Variants in AMPH observed in about 807,000 individuals in gnomAD.
The protein encoded by AMPH is amphiphysin, also known as amphiphysin (Stiff-Mann syndrome with breast cancer 128kD autoantigen).
A neutral mutation model predicts 99.1 loss-of-function variants in AMPH; 49 were observed. That is an observed-to-expected ratio of 0.49 (90% CI 0.39 to 0.63). The LOEUF (loss-of-function observed/expected upper bound fraction) is 0.63, where lower values mean the gene tolerates loss of function less well. Among genes scored for constraint, AMPH ranks in the 20% least tolerant of loss-of-function variants. The pLI is 0.00. For synonymous variants in AMPH, 314 were observed against 317.3 expected, an observed-to-expected ratio of 0.99 and a Z score of 0.11; for missense variants, 759 against 863.4, an observed-to-expected ratio of 0.88 and a Z score of 1.52.
chr7:38,594,654 C>T (rs893715504), intron 1 of AMPH, among the ~76,000 whole-genome samples: 4 of 151,986 alleles, frequency 2.6e-5, no homozygotes, highest in African/African-American at 7.3e-5. Context: ...GCCAGTATTA[C>T]CACATTTTCA....
intron 15 of AMPH, 98 bp from the exon 16 acceptor site, chr7:38,422,575 TATCTATCTATCTATCTATCTATCTATCC>T: frequency 1.3e-6 from 1 of 750,256 alleles, no homozygotes; most frequent in Non-Finnish European, 2.2e-6. Context: ...TCTATCTATC[TATCTATCTATCTATCTATCTATCTATCC>T]ATCTATCTAT....
intron 5 of AMPH, among the ~76,000 whole-genome samples, chr7:38,484,373 G>A (rs1225000290): frequency 6.6e-6 from 1 of 152,102 alleles, no homozygotes; most frequent in Non-Finnish European, 1.5e-5. Flanking sequence ...AAAGTGACTT[G>A]CTCACATACA....
intron 17 of AMPH, among the ~76,000 whole-genome samples, chr7:38,417,616 T>G (rs1171479657): frequency 6.6e-6 from 1 of 152,228 alleles, no homozygotes. Context: ...TACAGTTTTC[T>G]TTAGATCATA....
At chr7:38,437,639 A>AAAAAAAAAAAAAAAAAAAAAAGAAAAG (rs765494380) in intron 11 of AMPH, among the ~76,000 whole-genome samples, 9 of 96,726 alleles carry the variant, frequency 9.3e-5, no homozygotes, top group Admixed American at 2.7e-4. Context: ...AAAAAAAAAA[A>AAAAAAAAAAAAAAAAAAAAAAGAAAAG]AAAAGAAAAG....
chr7:38,587,476 C>G (rs1405240452), intron 1 of AMPH, among the ~76,000 whole-genome samples: 2 of 152,112 alleles, frequency 1.3e-5, no homozygotes, highest in Admixed American at 1.3e-4. Context: ...ACATTTTGTA[C>G]TGAAATCACC....
At position 38,463,097 on chromosome 7, in the gene AMPH, G is replaced by A. The variant is rs777511764; in HGVS notation, c.766C>T (p.Arg256Cys). Residue 256 changes from arginine (R) to cysteine (C), a missense_variant, in exon 10 of 21, where the codon CGC becomes TGC. Physicochemically the swap from Arg to Cys is radical, Grantham distance 180. Transcript: ENST00000356264. ...GGCGGTGATGGTGTCTTTGCAATGC[G>A]GAGAGGACCCGAATCACTAGAGGAA... ...QGAPSDSGPLRIAKTPSPPEE... is the reference protein window; with the variant it reads ...QGAPSDSGPLCIAKTPSPPEE... 13 of 1,613,352 alleles carry A rather than the reference G, an allele frequency of 8.1e-6. No individual in the cohort carries two copies. Among genetic ancestry groups the A allele is most frequent in the Middle Eastern group, 1.7e-4 (1 of 6,012 alleles).
chr7:38,408,875 T>A (rs1785136446), intron 17 of AMPH, among the ~76,000 whole-genome samples: 1 of 152,234 alleles, frequency 6.6e-6, no homozygotes, highest in Non-Finnish European at 1.5e-5. Flanking sequence ...CGTTAAGTTA[T>A]GTACAGGCTG....
chr7:38,510,207 C>T (rs1052988067), intron 2 of AMPH, among the ~76,000 whole-genome samples: 1 of 152,148 alleles, frequency 6.6e-6, no homozygotes, highest in African/African-American at 2.4e-5. Flanking sequence ...CAGATGACCA[C>T]CTTCTTGCTG....
chr7:38,563,405 T>C (rs1249689741), intron 1 of AMPH, among the ~76,000 whole-genome samples: 4 of 152,210 alleles, frequency 2.6e-5, no homozygotes, highest in Non-Finnish European at 5.9e-5. Flanking sequence ...TCTATGGTAT[T>C]TGGTGAGTAT....
At chr7:38,462,637 G>A (rs1260820919) in intron 10 of AMPH, among the ~76,000 whole-genome samples, 1 of 152,164 alleles carries the variant, frequency 6.6e-6, no homozygotes, top group East Asian at 1.9e-4. Flanking sequence ...CACTAGGAGA[G>A]GGAAGGTTTC....
intron 12 of AMPH, among the ~76,000 whole-genome samples, chr7:38,432,475 C>T (rs1786070306): frequency 6.6e-6 from 1 of 152,020 alleles, no homozygotes; most frequent in South Asian, 2.1e-4. Flanking sequence ...TTGTATTATA[C>T]TTAATATAAG....
At chr7:38,569,096 T>C (rs1035533042) in intron 1 of AMPH, among the ~76,000 whole-genome samples, 1 of 152,230 alleles carries the variant, frequency 6.6e-6, no homozygotes, top group African/African-American at 2.4e-5. Context: ...GTTTTAACAT[T>C]ACACTTTTAA....
chr7:38,618,178 G>T (rs1424408590), intron 1 of AMPH, among the ~76,000 whole-genome samples: 1 of 152,112 alleles, frequency 6.6e-6, no homozygotes, highest in Non-Finnish European at 1.5e-5. Flanking sequence ...CAGTATAAAT[G>T]CATTATTGCT....
intron 1 of AMPH, among the ~76,000 whole-genome samples, chr7:38,615,441 G>T (rs563681256): frequency 6.6e-6 from 1 of 152,136 alleles, no homozygotes; most frequent in African/African-American, 2.4e-5. Flanking sequence ...AGCTCATAGA[G>T]CCCTCTTTCC....
intron 1 of AMPH, among the ~76,000 whole-genome samples, chr7:38,616,126 A>G (rs1793862593): frequency 6.6e-6 from 1 of 152,166 alleles, no homozygotes; most frequent in Non-Finnish European, 1.5e-5. Context: ...CTACACAGAC[A>G]CCATGTGTAC....
chr7:38,442,557 T>A (rs752609037), intron 11 of AMPH, among the ~76,000 whole-genome samples: 2 of 152,114 alleles, frequency 1.3e-5, no homozygotes, highest in African/African-American at 2.4e-5. Context: ...ATTTTAATCA[T>A]CCAAAATGAT....
At chr7:38,591,040 G>A (rs1792836806) in intron 1 of AMPH, among the ~76,000 whole-genome samples, 1 of 152,108 alleles carries the variant, frequency 6.6e-6, no homozygotes, top group African/African-American at 2.4e-5. Flanking sequence ...TTATAAACAG[G>A]AGGGATATTT....
chr7:38,414,163 G>A (rs116392591), intron 17 of AMPH, among the ~76,000 whole-genome samples: 268 of 152,322 alleles, frequency 1.8e-3, no homozygotes, highest in African/African-American at 6.0e-3. Context: ...GCAAGATGAA[G>A]TTGATAGACT....
At chr7:38,460,383 T>C (rs1368306578) in intron 11 of AMPH, among the ~76,000 whole-genome samples, 2 of 152,200 alleles carry the variant, frequency 1.3e-5, no homozygotes, top group Admixed American at 6.5e-5. Context: ...AAGGAATACC[T>C]GCACTTGCAT....
Sources: gnomAD v4.1 joint callset for allele counts (sites outside exome capture counted in the v4.1 genomes callset) on GRCh38, gnomAD v4.1.1 for gene constraint, MANE v1.5 for transcripts, NCBI Gene and HGNC (gene_info 2026-07-23, HGNC 2026-07-21) for gene names.